Variants in BFSP2 observed in about 807,000 individuals in gnomAD.
The protein encoded by BFSP2 is beaded filament structural protein 2.
Under a neutral mutation model 44.9 loss-of-function variants are expected in BFSP2, and 38 were observed. The ratio of observed to expected loss-of-function variants is 0.85; its 90% CI spans 0.65 to 1.11. The LOEUF (loss-of-function observed/expected upper bound fraction) is 1.11, where lower values mean the gene tolerates loss of function less well. Ranked by LOEUF, BFSP2 falls within the 50% of genes least tolerant of loss-of-function variation. BFSP2 has a pLI of 0.00. For synonymous variants in BFSP2, 197 were observed against 209.9 expected, an observed-to-expected ratio of 0.94 and a Z score of 0.53; for missense variants, 525 against 533.0, an observed-to-expected ratio of 0.99 and a Z score of 0.15.
chr3:133,427,378 G>A (rs2073663550), intron 1 of BFSP2, among the ~76,000 whole-genome samples: 1 of 152,188 alleles, frequency 6.6e-6, no homozygotes, highest in East Asian at 1.9e-4. Context: ...CCTTTTTACA[G>A]GTAAAGAAAC....
At chr3:133,463,140 C>A (rs1312450700) in intron 4 of BFSP2, among the ~76,000 whole-genome samples, 1 of 152,118 alleles carries the variant, frequency 6.6e-6, no homozygotes, top group Admixed American at 6.6e-5. Context: ...GAAACCCCAT[C>A]TCTACTAAAA....
Position 133,400,062 on chromosome 3 carries a change from C to A in BFSP2, c.-22C>A. The A allele has an allele frequency of 6.2e-7, 1 of 1,614,086 alleles. No homozygotes were observed. Among genetic ancestry groups the A allele is most frequent in the Non-Finnish European group, 8.5e-7 (1 of 1,180,036 alleles). ...CACTGGACTCTGTAAACCCACTGGG[C>A]ACCACAGAGGCAGAAGGGGTGATGA... On this transcript the variant is annotated 5_prime_UTR_variant, in exon 1 of 7. Transcript: ENST00000302334. This position sits in a 1 kb window ranked among gnomAD's most constrained non-coding sequence, Gnocchi z 4.0.
intron 1 of BFSP2, among the ~76,000 whole-genome samples, chr3:133,407,290 C>G (rs1052673066): frequency 1.3e-5 from 2 of 152,046 alleles, no homozygotes; most frequent in African/African-American, 4.8e-5. Context: ...TTTATGATAG[C>G]GTAAGATGAA....
chr3:133,414,452 T>C (rs1576560510), intron 1 of BFSP2, among the ~76,000 whole-genome samples: 1 of 56,272 alleles, frequency 1.8e-5, no homozygotes, highest in Non-Finnish European at 3.2e-5. Flanking sequence ...CCCTCTCCCC[T>C]CTACTCACCC....
At chr3:133,413,101 G>A (rs967042054) in intron 1 of BFSP2, among the ~76,000 whole-genome samples, 2 of 152,200 alleles carry the variant, frequency 1.3e-5, no homozygotes, top group African/African-American at 2.4e-5. Context: ...GCTGGGGCTG[G>A]AGACAGGGCA....
intron 6 of BFSP2, among the ~76,000 whole-genome samples, chr3:133,474,259 G>C (rs1234917329): frequency 6.6e-6 from 1 of 152,170 alleles, no homozygotes; most frequent in Admixed American, 6.5e-5. Context: ...AATAGAGACA[G>C]CTTAGTGATT....
At chr3:133,433,137 T>C (rs190210026) in intron 1 of BFSP2, among the ~76,000 whole-genome samples, 7 of 152,346 alleles carry the variant, frequency 4.6e-5, no homozygotes, top group African/African-American at 1.7e-4. Context: ...GACTTCAATC[T>C]GGCCTCCCAC....
chr3:133,427,540 T>C (rs954913223), intron 1 of BFSP2, among the ~76,000 whole-genome samples: 1 of 152,244 alleles, frequency 6.6e-6, no homozygotes, highest in Non-Finnish European at 1.5e-5. Flanking sequence ...CTGCCCTTCC[T>C]AATCCTCTAC....
At chr3:133,449,414 T>C (rs1035261338) in intron 3 of BFSP2, among the ~76,000 whole-genome samples, 1 of 152,220 alleles carries the variant, frequency 6.6e-6, no homozygotes, top group Non-Finnish European at 1.5e-5. Flanking sequence ...ACTTTGTTTT[T>C]GTTTTTGTTT....
At chr3:133,408,261 T>C (rs1000083901) in intron 1 of BFSP2, among the ~76,000 whole-genome samples, 39 of 152,338 alleles carry the variant, frequency 2.6e-4, no homozygotes, top group Admixed American at 2.3e-3. Flanking sequence ...TGGCTCCTAA[T>C]GTCTCAACTG....
chr3:133,446,799 GA>G lies in BFSP2; in HGVS notation c.490-517del, dbSNP rs2073905836. Among the ~76,000 whole-genome samples the G allele has an allele frequency of 2.0e-5, 3 of 150,576 alleles. No individual in the cohort carries two copies. The South Asian group carries it at 6.3e-4, about 32-fold the overall frequency. ...TTATGTTCACGTGTATGTTTTGGGG[GA>G]GACGAAACTCTAGAGCCACGCTGCC... On this transcript the variant is annotated intron_variant, in intron 1 of 6. Coordinates refer to ENST00000302334, the MANE Select transcript of BFSP2 (RefSeq NM_003571.4).
chr3:133,433,430 C>T (rs1272049753), intron 1 of BFSP2, among the ~76,000 whole-genome samples: 1 of 152,212 alleles, frequency 6.6e-6, no homozygotes, highest in East Asian at 1.9e-4. Flanking sequence ...TGTTCTACTA[C>T]TCATCAGGGA....
intron 4 of BFSP2, among the ~76,000 whole-genome samples, chr3:133,459,053 G>A (rs2074038637): frequency 6.6e-6 from 1 of 152,160 alleles, no homozygotes; most frequent in South Asian, 2.1e-4. Context: ...AAAAGTGTAA[G>A]GACTGGCCAG....
chr3:133,468,613 A>G (rs902769039), intron 5 of BFSP2, among the ~76,000 whole-genome samples: 1 of 152,210 alleles, frequency 6.6e-6, no homozygotes, highest in Non-Finnish European at 1.5e-5. Context: ...ACAGCCTGAC[A>G]TAGTCAAACT....
intron 3 of BFSP2, chr3:133,448,945 A>G: frequency 2.5e-6 from 1 of 398,274 alleles, no homozygotes; most frequent in Non-Finnish European, 4.7e-6. Flanking sequence ...ACCCCTCCTC[A>G]ATGCATTCTA....
chr3:133,406,771 C>A (rs955519937), intron 1 of BFSP2, among the ~76,000 whole-genome samples: 1 of 151,872 alleles, frequency 6.6e-6, no homozygotes, highest in Non-Finnish European at 1.5e-5. Flanking sequence ...TATGATTAGA[C>A]AAGAGAAAGT....
intron 1 of BFSP2, among the ~76,000 whole-genome samples, chr3:133,432,036 C>T (rs990625938): frequency 2.6e-5 from 4 of 152,212 alleles, no homozygotes; most frequent in African/African-American, 9.6e-5. Flanking sequence ...CTACTCCTTC[C>T]CTGGCAACCG....
At chr3:133,410,399 A>C (rs888382782) in intron 1 of BFSP2, 4 of 303,466 alleles carry the variant, frequency 1.3e-5, no homozygotes, top group African/African-American at 6.7e-5. Flanking sequence ...CCAGAGAAAA[A>C]TGTCAGCATG....
At position 133,433,198 on chromosome 3, in the gene BFSP2, C is replaced by A. The variant is rs992269789; in HGVS notation, c.490-14119C>A. Among the ~76,000 whole-genome samples the A allele has an allele frequency of 4.7e-4, 71 of 152,268 alleles. 1 individual carries two copies. The highest frequency in any genetic ancestry group is 1.7e-3 in the African/African-American group (70 of 41,532). On this transcript the variant is annotated intron_variant, in intron 1 of 6. Transcript: ENST00000302334. ...CCCATGACTGTATCTCTCTGATCCA[C>A]CTGACATTCATCCCATTTCCCCATA... is the stretch of plus-strand genomic sequence containing the variant.
Sources: allele counts gnomAD v4.1 joint callset (sites outside exome capture counted in the v4.1 genomes callset), GRCh38; gene constraint gnomAD v4.1.1; non-coding constraint Gnocchi (gnomAD v3.1); transcripts MANE v1.5; gene names NCBI Gene and HGNC (gene_info 2026-07-23, HGNC 2026-07-21).